Variants in NPAS3 observed in about 807,000 individuals in gnomAD.
NPAS3 encodes the protein neuronal PAS domain-containing protein 3.
A neutral mutation model predicts 73.1 loss-of-function variants in NPAS3; 14 were observed. The ratio of observed to expected loss-of-function variants is 0.19; its 90% CI spans 0.13 to 0.30. The LOEUF (loss-of-function observed/expected upper bound fraction) is 0.30. NPAS3 is among the 10% of genes least tolerant of loss of function. The pLI is 1.00. For missense variants in NPAS3, 1,096 were observed against 1,250.0 expected (o/e 0.88, Z 1.86); for synonymous variants, 620 against 541.5 (o/e 1.14, Z -2.01).
chr14:33,723,714 CAA>C (rs10577101), intron 6 of NPAS3, among the ~76,000 whole-genome samples: 42,644 of 143,718 alleles, frequency 0.3, 6,809 homozygotes, highest in Admixed American at 0.51. Flanking sequence ...TACTTCCTCT[CAA>C]AAAAAAAAAA....
chr14:33,303,440 A>G (rs1170089887), intron 3 of NPAS3, among the ~76,000 whole-genome samples: 1 of 152,112 alleles, frequency 6.6e-6, no homozygotes, highest in Non-Finnish European at 1.5e-5. Flanking sequence ...CACTAAAAAA[A>G]AAATCAAAGT....
At chr14:33,239,244 A>G (rs2048138968) in intron 3 of NPAS3, among the ~76,000 whole-genome samples, 1 of 151,810 alleles carries the variant, frequency 6.6e-6, no homozygotes, top group Non-Finnish European at 1.5e-5. Flanking sequence ...GGAAAAAGGG[A>G]TGAGCAAGTG....
chr14:33,638,714 C>T (rs1349566584), intron 5 of NPAS3, among the ~76,000 whole-genome samples: 1 of 152,144 alleles, frequency 6.6e-6, no homozygotes, highest in African/African-American at 2.4e-5. Flanking sequence ...AATGTCCAGC[C>T]TCAAATGAGG....
At chr14:33,419,617 G>A (rs1594874523) in intron 4 of NPAS3, among the ~76,000 whole-genome samples, 3 of 151,858 alleles carry the variant, frequency 2.0e-5, no homozygotes, top group African/African-American at 7.2e-5. Context: ...TGAGACTAGA[G>A]AAGATAATCT....
At chr14:32,990,204 A>C (rs958561220) in intron 1 of NPAS3, among the ~76,000 whole-genome samples, 1 of 152,240 alleles carries the variant, frequency 6.6e-6, no homozygotes, top group Non-Finnish European at 1.5e-5. Flanking sequence ...ATATTTGCAG[A>C]CTAATCCAGA....
upstream of NPAS3, among the ~76,000 whole-genome samples, chr14:32,935,608 T>A (rs868779192): frequency 5.3e-5 from 8 of 152,198 alleles, no homozygotes; most frequent in South Asian, 6.2e-4. Flanking sequence ...GGGATACAAG[T>A]TAGGAAGCAA....
intron 6 of NPAS3, among the ~76,000 whole-genome samples, chr14:33,702,793 G>A (rs2060556784): frequency 6.6e-6 from 1 of 152,108 alleles, no homozygotes; most frequent in Non-Finnish European, 1.5e-5. Context: ...CTCCCTGAAT[G>A]GCAAACTTGT....
At chr14:33,523,327 A>T (rs2053641146) in intron 4 of NPAS3, among the ~76,000 whole-genome samples, 1 of 151,964 alleles carries the variant, frequency 6.6e-6, no homozygotes, top group Admixed American at 6.6e-5. Flanking sequence ...ATCTGACATC[A>T]TTATTACTGT....
intron 6 of NPAS3, chr14:33,680,516 A>G: frequency 1.5e-6 from 1 of 681,264 alleles, no homozygotes; most frequent in Admixed American, 2.2e-5. Context: ...ATTTCTTTCT[A>G]AAATAAGATT....
At chr14:33,276,098 C>T (rs1246586061) in intron 3 of NPAS3, among the ~76,000 whole-genome samples, 1 of 152,130 alleles carries the variant, frequency 6.6e-6, no homozygotes, top group African/African-American at 2.4e-5. Flanking sequence ...AGCACCTACA[C>T]ACTGTGTGCA....
chr14:32,981,672 G>T (rs150863150), intron 1 of NPAS3, among the ~76,000 whole-genome samples: 1 of 152,130 alleles, frequency 6.6e-6, no homozygotes, highest in African/African-American at 2.4e-5. Flanking sequence ...AGCCGAAAAA[G>T]ATTCCTTAAT....
intron 3 of NPAS3, among the ~76,000 whole-genome samples, chr14:33,328,417 T>C (rs902409341): frequency 3.3e-5 from 5 of 149,668 alleles, no homozygotes; most frequent in Non-Finnish European, 7.4e-5. Flanking sequence ...TATTTATTGA[T>C]GTTTTTATCT....
intron 5 of NPAS3, among the ~76,000 whole-genome samples, chr14:33,569,837 T>C (rs761353009): frequency 2.6e-5 from 4 of 152,218 alleles, no homozygotes; most frequent in Non-Finnish European, 4.4e-5. Context: ...TAAACGTTCT[T>C]GTCCTTATAA....
intron 4 of NPAS3, among the ~76,000 whole-genome samples, chr14:33,457,206 G>C (rs1189528340): frequency 6.6e-6 from 1 of 152,186 alleles, no homozygotes; most frequent in African/African-American, 2.4e-5. Context: ...CTGTATCCTG[G>C]ATACAAGTTC....
chr14:33,778,600 C>A (rs374520771), intron 9 of NPAS3, 28 bp downstream of exon 9: 424 of 1,485,374 alleles, frequency 2.9e-4, no homozygotes, highest in Non-Finnish European at 3.6e-4. Flanking sequence ...GGGGGAATAA[C>A]CCCGGCTGGT....
intron 2 of NPAS3, among the ~76,000 whole-genome samples, chr14:33,059,615 C>G (rs1363603498): frequency 6.6e-6 from 1 of 152,120 alleles, no homozygotes; most frequent in Non-Finnish European, 1.5e-5. Flanking sequence ...TGGTCTTTTA[C>G]AGTTTACAAT....
At chr14:32,991,923 A>G (rs2038350283) in intron 1 of NPAS3, among the ~76,000 whole-genome samples, 1 of 152,214 alleles carries the variant, frequency 6.6e-6, no homozygotes, top group African/African-American at 2.4e-5. Flanking sequence ...AACTACATTC[A>G]TGAGGCTAAT....
At chr14:33,612,339 C>T (rs2057776700) in intron 5 of NPAS3, 3 of 451,748 alleles carry the variant, frequency 6.6e-6, no homozygotes, top group African/African-American at 6.0e-5. Flanking sequence ...TGAGCCCCTT[C>T]TTTATCATCG....
intron 1 of NPAS3, among the ~76,000 whole-genome samples, chr14:33,052,313 T>C (rs2138505217): frequency 6.6e-6 from 1 of 152,232 alleles, no homozygotes; most frequent in East Asian, 1.9e-4. Context: ...TCTGGTAGCT[T>C]ATCTTCCCTG....
Sources: gnomAD v4.1 joint callset for allele counts (sites outside exome capture counted in the v4.1 genomes callset) on GRCh38, gnomAD v4.1.1 for gene constraint, MANE v1.5 for transcripts, NCBI Gene and HGNC (gene_info 2026-07-23, HGNC 2026-07-21) for gene names.